The following HAUS6 variants were observed in gnomAD, a reference collection of about 807,000 sequenced individuals.
HAUS6 encodes the protein HAUS augmin-like complex subunit 6.
A neutral mutation model predicts 106.8 loss-of-function variants in HAUS6; 80 were observed. That is an observed-to-expected ratio of 0.75 (90% CI 0.63 to 0.90). The LOEUF is 0.90. Ranked by LOEUF, HAUS6 falls within the 40% of genes least tolerant of loss-of-function variation. The pLI, the probability that HAUS6 is intolerant of heterozygous loss-of-function variation, is 0.00. For missense variants in HAUS6, 1,155 were observed against 1,118.1 expected (o/e 1.03, Z -0.47); for synonymous variants, 356 against 379.1 (o/e 0.94, Z 0.71).
At chr9:19,092,397 C>T (rs1309716855) in intron 4 of HAUS6, among the ~76,000 whole-genome samples, 8 of 150,924 alleles carry the variant, frequency 5.3e-5, no homozygotes, top group African/African-American at 1.9e-4. Context: ...AGGCGGATCA[C>T]CTGAGGTCGG....
chr9:19,095,312 T>C (rs72696487), intron 2 of HAUS6, among the ~76,000 whole-genome samples: 5,282 of 152,220 alleles, frequency 0.035, 115 homozygotes, highest in Non-Finnish European at 0.051. Flanking sequence ...GGCATAATTA[T>C]TTAAGGCCTC....
At chr9:19,076,261 G>A (rs1253967105) in intron 11 of HAUS6, among the ~76,000 whole-genome samples, 3 of 151,734 alleles carry the variant, frequency 2.0e-5, no homozygotes, top group Admixed American at 2.0e-4. Context: ...GCTGAGGTGG[G>A]AGGATCACTT....
intron 4 of HAUS6, among the ~76,000 whole-genome samples, chr9:19,090,908 A>C (rs1218633222): frequency 1.3e-5 from 2 of 152,214 alleles, no homozygotes; most frequent in African/African-American, 2.4e-5. Context: ...TCCTACTTTA[A>C]CATGGTTCAA....
At chr9:19,099,035 GAAA>G (rs1817926732) in intron 1 of HAUS6, among the ~76,000 whole-genome samples, 9 of 129,436 alleles carry the variant, frequency 7.0e-5, no homozygotes, top group Non-Finnish European at 1.3e-4. Flanking sequence ...AAAAAAAAAA[GAAA>G]AAAAGAAAAG....
intron 10 of HAUS6, among the ~76,000 whole-genome samples, chr9:19,077,387 T>C (rs1441143154): frequency 2.6e-5 from 4 of 152,012 alleles, no homozygotes; most frequent in Non-Finnish European, 5.9e-5. Context: ...ATAGAAAAAT[T>C]AGCCGAGCGT....
In HAUS6 at chr9:19,058,615, C is replaced by A. The variant is rs1332272388; in HGVS notation, c.2152G>T (p.Val718Phe). 2.5e-6 allele frequency: 4 copies of A among 1,605,694 alleles called. No individual in the cohort carries two copies. Among genetic ancestry groups the A allele is most frequent in the Non-Finnish European group, 3.4e-6 (4 of 1,173,168 alleles). The change falls in exon 16 of 17, where the codon GTC becomes TTC. Residue 718 changes from valine to phenylalanine, a missense_variant. By Grantham distance (50) the Val-to-Phe change is conservative. Transcript: ENST00000380502. ...TSRMETFSPA[V>F]GNRIDVMGGS... ...CCCATCACATCTATCCTATTGCCGA[C>A]AGCAGGGGAGAATGTCTCCATTCGG...
In HAUS6 at chr9:19,058,165, G is replaced by T. The variant is rs929669453; in HGVS notation, c.2602C>A (p.Pro868Thr). 1.2e-6 allele frequency: 2 copies of T among 1,613,876 alleles called. No homozygotes were observed. The highest frequency in any genetic ancestry group is 1.7e-6 in the Non-Finnish European group (2 of 1,179,824). ...TCTGTTTGTACATTTTGGGGAGTAG[G>T]GCTCAATTCTGGTTTGTGTCTTTCG... is the stretch of plus-strand genomic sequence containing the variant. ...TPERHKPELS[P>T]TPQNVQTDDT... The change falls in exon 16 of 17, where the codon CCT becomes ACT. Residue 868 changes from proline (P) to threonine (T), a missense_variant. By Grantham distance (38) the Pro-to-Thr change is conservative (BLOSUM62 -1). Transcript: ENST00000380502.
chr9:19,078,139 G>A (rs1397376668), intron 10 of HAUS6, 37 bp downstream of exon 10: 2 of 1,543,788 alleles, frequency 1.3e-6, no homozygotes, highest in African/African-American at 1.4e-5. Flanking sequence ...AAAAAGGTGG[G>A]TGGCGGGGAG....
chr9:19,091,781 C>A (rs557432398), intron 4 of HAUS6, among the ~76,000 whole-genome samples: 9 of 152,136 alleles, frequency 5.9e-5, no homozygotes, highest in Non-Finnish European at 8.8e-5. Flanking sequence ...CGTGCCTCAG[C>A]CTCCCAAGTA....
In HAUS6 at chr9:19,057,737, G is replaced by C. The variant is rs1227833483; in HGVS notation, c.2806+224C>G. ...AACCTGTAAGCTTCAGATTGGGGGG[G>C]CTTTTTTTTCCCACCCCTGTCTCAA... On this transcript the variant is annotated intron_variant, in intron 16 of 16. Transcript: ENST00000380502. The C allele has an allele frequency of 1.4e-5, 6 of 426,750 alleles. No homozygotes were observed. The Admixed American group carries it at 2.3e-4, about 17-fold the overall frequency. The allele number at this position is 426,750 out of a possible 1,614,324, so 26.4% of individuals were successfully genotyped here. A position where few individuals can be genotyped will look rare whatever the true frequency, so the allele number is the denominator to read the frequency against.
At chr9:19,076,461 T>G (rs1161915185) in intron 11 of HAUS6, 141 bp downstream of exon 11, 6 of 652,596 alleles carry the variant, frequency 9.2e-6, no homozygotes, top group Non-Finnish European at 5.5e-6. Context: ...TAACTGAAAT[T>G]GTGAATTTTA....
At chr9:19,087,400 G>A (rs552444638) in intron 5 of HAUS6, among the ~76,000 whole-genome samples, 3 of 152,224 alleles carry the variant, frequency 2.0e-5, no homozygotes, top group East Asian at 1.9e-4. Context: ...TTAGTAAGAC[G>A]ACTCTGCTCT....
chr9:19,056,260 T>C lies in HAUS6; in HGVS notation c.*83A>G. 2 of 750,474 alleles carry C rather than the reference T, an allele frequency of 2.7e-6. No individual in the cohort carries two copies. Among genetic ancestry groups the C allele is most frequent in the Admixed American group, 2.1e-5 (1 of 47,144 alleles). 46.5% of individuals were successfully genotyped at this position (750,474 alleles called of 1,614,324 possible). A position where few individuals can be genotyped will look rare whatever the true frequency, so the allele number is the denominator to read the frequency against. ...GAAAAACAGTGTTACACTTCCAACA[T>C]GTATTTAAGTTGTAATTCATTTTCT... On this transcript the variant is annotated 3_prime_UTR_variant, in exon 17 of 17. Transcript: ENST00000380502.
intron 5 of HAUS6, among the ~76,000 whole-genome samples, chr9:19,088,195 A>C (rs1016166511): frequency 6.6e-6 from 1 of 152,076 alleles, no homozygotes; most frequent in African/African-American, 2.4e-5. Flanking sequence ...CGGGTGGATC[A>C]CCTGAGGTCA....
rs1032765893 is a variant in HAUS6 at position 19,055,371 on chromosome 9, G to A, written c.*972C>T. On this transcript the variant is annotated 3_prime_UTR_variant, in exon 17 of 17. Coordinates refer to ENST00000380502, the MANE Select transcript of HAUS6 (RefSeq NM_017645.5). Reference sequence around the variant, plus strand: ...TTTTCTAGGCAGGGCACCTGAAGGAGTGAGGCAGGAGACTGCAAGTGTGAC... The same window carrying A: ...TTTTCTAGGCAGGGCACCTGAAGGAATGAGGCAGGAGACTGCAAGTGTGAC... 5 of 152,226 alleles carry A rather than the reference G, an allele frequency of 3.3e-5. No individual in the cohort carries two copies. The highest frequency in any genetic ancestry group is 7.2e-5 in the African/African-American group (3 of 41,440). The allele number at this position is 152,226 out of a possible 1,614,324, so 9.4% of individuals were successfully genotyped here.
chr9:19,090,524 C>A (rs1333024733), intron 4 of HAUS6, among the ~76,000 whole-genome samples: 1 of 152,126 alleles, frequency 6.6e-6, no homozygotes, highest in Non-Finnish European at 1.5e-5. Context: ...GCCACCACGC[C>A]CGGCTAATTT....
At chr9:19,091,135 C>T (rs1459581875) in intron 4 of HAUS6, among the ~76,000 whole-genome samples, 1 of 151,866 alleles carries the variant, frequency 6.6e-6, no homozygotes, top group African/African-American at 2.4e-5. Flanking sequence ...CCCATCTATA[C>T]TAAAAATACA....
chr9:19,085,530 G>A (rs1168881552), intron 7 of HAUS6, among the ~76,000 whole-genome samples: 1 of 151,412 alleles, frequency 6.6e-6, no homozygotes, highest in Non-Finnish European at 1.5e-5. Flanking sequence ...AGGTGACAAT[G>A]TGCCTTGGAA....
chr9:19,057,754 CT>C (rs1836505018), intron 16 of HAUS6: 1 of 420,204 alleles, frequency 2.4e-6, no homozygotes, highest in Non-Finnish European at 4.2e-6. Flanking sequence ...TTTCCCACCC[CT>C]GTCTCAAATC....
Sources: gnomAD v4.1 joint callset for allele counts (sites outside exome capture counted in the v4.1 genomes callset) on GRCh38, gnomAD v4.1.1 for gene constraint, MANE v1.5 for transcripts, NCBI Gene and HGNC (gene_info 2026-07-23, HGNC 2026-07-21) for gene names.